Variants in WWOX observed in about 807,000 individuals in gnomAD.
WWOX encodes WW domain containing oxidoreductase.
A neutral mutation model predicts 46.2 loss-of-function variants in WWOX; 69 were observed. The ratio of observed to expected loss-of-function variants is 1.49; its 90% CI spans 1.23 to 1.82. The LOEUF is 1.82. WWOX is among the 40% of genes most tolerant of loss of function. The pLI is 0.00. For missense variants in WWOX, 919 were observed against 542.6 expected (o/e 1.69, Z -6.89); for synonymous variants, 359 against 202.6 (o/e 1.77, Z -6.56).
chr16:78,989,984 G>A (rs1406145913), intron 8 of WWOX, among the ~76,000 whole-genome samples: 1 of 151,726 alleles, frequency 6.6e-6, no homozygotes, highest in African/African-American at 2.4e-5. Flanking sequence ...CGAGTTCGAG[G>A]CTAGCCTGGG....
chr16:79,023,859 G>A (rs1222596555), intron 8 of WWOX, among the ~76,000 whole-genome samples: 3 of 152,028 alleles, frequency 2.0e-5, no homozygotes, highest in Non-Finnish European at 2.9e-5. Flanking sequence ...GGGAGGCTGA[G>A]GCAGGAGAAT....
At chr16:79,181,712 T>G (rs1269135323) in intron 8 of WWOX, among the ~76,000 whole-genome samples, 2 of 152,188 alleles carry the variant, frequency 1.3e-5, no homozygotes, top group African/African-American at 4.8e-5. Context: ...TCTTTTTCCT[T>G]CTTTTGACAT....
intron 8 of WWOX, among the ~76,000 whole-genome samples, chr16:78,953,279 A>G (rs1050675326): frequency 1.4e-5 from 2 of 144,422 alleles, no homozygotes; most frequent in Admixed American, 6.9e-5. Flanking sequence ...AAACAAACCA[A>G]TAGCTCAGGC....
chr16:78,650,084 G>C (rs1228235155), intron 8 of WWOX, among the ~76,000 whole-genome samples: 3 of 152,166 alleles, frequency 2.0e-5, no homozygotes, highest in Non-Finnish European at 4.4e-5. Context: ...AGGCTAGTAG[G>C]ACTGGCTGAA....
chr16:78,225,148 C>T (rs1177511437), intron 5 of WWOX, among the ~76,000 whole-genome samples: 1 of 152,180 alleles, frequency 6.6e-6, no homozygotes, highest in African/African-American at 2.4e-5. Context: ...TAGCCTACTA[C>T]ACATCCAGGC....
chr16:78,905,765 T>C (rs1017695693), intron 8 of WWOX, among the ~76,000 whole-genome samples: 4 of 152,204 alleles, frequency 2.6e-5, no homozygotes, highest in Admixed American at 6.5e-5. Flanking sequence ...AATAGTATCC[T>C]ATTTATACAA....
intron 8 of WWOX, among the ~76,000 whole-genome samples, chr16:78,445,575 C>T (rs138278222): frequency 6.6e-6 from 1 of 152,176 alleles, no homozygotes; most frequent in African/African-American, 2.4e-5. Context: ...TTCATCTTCA[C>T]AGAAAGAAAT....
Position 79,035,391 on chromosome 16 carries a change from G to T in WWOX, c.1057-176217G>T, listed in dbSNP as rs901296649. Among the ~76,000 whole-genome samples the T allele has an allele frequency of 1.1e-4, 16 of 152,092 alleles. 1 individual carries two copies. Among genetic ancestry groups the T allele is most frequent in the Admixed American group, 2.6e-4 (4 of 15,264 alleles). On this transcript the variant is annotated intron_variant, in intron 8 of 8. Transcript: ENST00000566780. ...AAAAGGCCAACCCCATTAGACAGTG[G>T]CCAAGGGAGGTGAACTAAAGTTGGT...
At chr16:78,898,526 G>A (rs1369422647) in intron 8 of WWOX, 1 of 152,006 alleles carries the variant, frequency 6.6e-6, no homozygotes, top group Non-Finnish European at 1.5e-5. Flanking sequence ...CTGCTCGATT[G>A]CCTGGAAGCT....
chr16:78,877,032 A>G (rs2044247754), intron 8 of WWOX, among the ~76,000 whole-genome samples: 1 of 152,204 alleles, frequency 6.6e-6, no homozygotes, highest in Admixed American at 6.5e-5. Context: ...GAGGTCCAGG[A>G]CATTTAAATA....
intron 3 of WWOX, among the ~76,000 whole-genome samples, chr16:78,112,466 A>T (rs978818954): frequency 6.6e-6 from 1 of 152,116 alleles, no homozygotes; most frequent in Non-Finnish European, 1.5e-5. Flanking sequence ...TGCAAAACTG[A>T]TATTGAGAGC....
At chr16:78,401,645 C>T (rs909755322) in intron 6 of WWOX, among the ~76,000 whole-genome samples, 5 of 152,240 alleles carry the variant, frequency 3.3e-5, no homozygotes, top group South Asian at 4.1e-4. Context: ...GTAAAGATTT[C>T]TCAGAGCCCA....
chr16:78,934,490 C>T (rs2045693702), intron 8 of WWOX, among the ~76,000 whole-genome samples: 1 of 112,592 alleles, frequency 8.9e-6, no homozygotes, highest in African/African-American at 3.4e-5. Context: ...GCCTGGGCAA[C>T]AGTGCGAAAC....
chr16:78,357,479 A>G (rs984141954), intron 5 of WWOX, among the ~76,000 whole-genome samples: 6 of 152,136 alleles, frequency 3.9e-5, no homozygotes, highest in East Asian at 1.9e-4. Context: ...GGTCCCTTCA[A>G]TCTGTAACCT....
At chr16:79,012,617 G>C (rs1240877188) in intron 8 of WWOX, among the ~76,000 whole-genome samples, 1 of 152,214 alleles carries the variant, frequency 6.6e-6, no homozygotes, top group Non-Finnish European at 1.5e-5. Context: ...GAGTGGTGCA[G>C]CTCCAAGGCA....
intron 8 of WWOX, among the ~76,000 whole-genome samples, chr16:78,713,303 C>G (rs2048485338): frequency 1.6e-5 from 2 of 123,122 alleles, no homozygotes; most frequent in Non-Finnish European, 3.3e-5. Context: ...AAAAAAAAAG[C>G]TAGTAGCACA....
chr16:78,572,945 G>A (rs962836538), intron 8 of WWOX, among the ~76,000 whole-genome samples: 3 of 152,126 alleles, frequency 2.0e-5, no homozygotes, highest in African/African-American at 7.2e-5. Flanking sequence ...CTTGTTATAT[G>A]TGGCACATAT....
intron 8 of WWOX, among the ~76,000 whole-genome samples, chr16:78,796,341 C>T (rs911270849): frequency 2.6e-5 from 4 of 152,234 alleles, no homozygotes; most frequent in Non-Finnish European, 2.9e-5. Flanking sequence ...TAAGTCCAGA[C>T]ATCTGACAGG....
intron 7 of WWOX, among the ~76,000 whole-genome samples, chr16:78,429,556 G>A (rs574511779): frequency 1.3e-4 from 20 of 152,144 alleles, no homozygotes; most frequent in African/African-American, 2.2e-4. Context: ...AGAGAGGGAG[G>A]GGGTGGTGCT....
Sources: allele counts gnomAD v4.1 joint callset (sites outside exome capture counted in the v4.1 genomes callset), GRCh38; gene constraint gnomAD v4.1.1; transcripts MANE v1.5; gene names NCBI Gene and HGNC (gene_info 2026-07-23, HGNC 2026-07-21).